CD82: variants seen among roughly 807,000 people sequenced by gnomAD.
CD82 encodes CD82 molecule.
A neutral mutation model predicts 37.4 loss-of-function variants in CD82; 36 were observed. The ratio of observed to expected loss-of-function variants is 0.96; its 90% CI spans 0.74 to 1.27. The LOEUF is 1.27. Among genes scored for constraint, CD82 ranks in the 50% most tolerant of loss-of-function variants. The pLI, the probability that CD82 is intolerant of heterozygous loss-of-function variation, is 0.00. For missense variants in CD82, 340 were observed against 347.0 expected, an observed-to-expected ratio of 0.98 and a Z score of 0.16; for synonymous variants, 158 against 137.4, an observed-to-expected ratio of 1.15 and a Z score of -1.05.
intron 3 of CD82, among the ~76,000 whole-genome samples, chr11:44,599,831 G>A (rs1218180220): frequency 2.0e-5 from 3 of 152,198 alleles, no homozygotes; most frequent in Admixed American, 6.5e-5. Context: ...GGGTGGAGTC[G>A]GGGGGATGAG....
At chr11:44,606,684 G>T (rs1853401584) in intron 6 of CD82, 1 of 152,220 alleles carries the variant, frequency 6.6e-6, no homozygotes, top group African/African-American at 2.4e-5. Flanking sequence ...GTGCACGTGG[G>T]ATCTTCTAGA....
intron 2 of CD82, among the ~76,000 whole-genome samples, chr11:44,591,501 G>A (rs1399658962): frequency 6.6e-6 from 1 of 152,206 alleles, no homozygotes; most frequent in Non-Finnish European, 1.5e-5. Context: ...CCTCTGAGCA[G>A]TCATTTTGTC....
intron 1 of CD82, among the ~76,000 whole-genome samples, chr11:44,566,754 G>T (rs1218276142): frequency 1.3e-5 from 2 of 152,164 alleles, no homozygotes; most frequent in Non-Finnish European, 2.9e-5. Context: ...CTTTGATGCG[G>T]GTGGGCAGGT....
chr11:44,614,387 A>G (rs1187687990), intron 6 of CD82, among the ~76,000 whole-genome samples: 1 of 152,178 alleles, frequency 6.6e-6, no homozygotes, highest in Admixed American at 6.5e-5. Flanking sequence ...GGATTCACCA[A>G]GAAGTTGCAT....
In CD82 at chr11:44,620,333, A is replaced by G. The variant is rs1005152126; in HGVS notation, c.*1207A>G. On this transcript the variant is annotated 3_prime_UTR_variant, in exon 10 of 10. Coordinates refer to ENST00000227155, the MANE Select transcript of CD82 (RefSeq NM_002231.4). Reference sequence around the variant, plus strand: ...TTCTGTAAAACACACTCAAGATTCTAAGACTATTAAAGAGGATTTATAACA... The same window carrying G: ...TTCTGTAAAACACACTCAAGATTCTGAGACTATTAAAGAGGATTTATAACA... The G allele has an allele frequency of 6.6e-6, 1 of 152,100 alleles. No homozygotes were observed. The highest frequency in any genetic ancestry group is 2.4e-5 in the African/African-American group (1 of 41,380). The allele number at this position is 152,100 out of a possible 1,614,324, so 9.4% of individuals were successfully genotyped here. A position where few individuals can be genotyped will look rare whatever the true frequency, so the allele number is the denominator to read the frequency against.
At chr11:44,616,963 G>C (rs1853573224) in intron 7 of CD82, among the ~76,000 whole-genome samples, 1 of 152,186 alleles carries the variant, frequency 6.6e-6, no homozygotes, top group African/African-American at 2.4e-5. Flanking sequence ...GGAGAGAGGA[G>C]GCAGCCCGGC....
chr11:44,596,886 G>A (rs1337376623), intron 3 of CD82: 2 of 456,098 alleles, frequency 4.4e-6, no homozygotes, highest in Admixed American at 2.3e-5. Context: ...CTACTCAAAT[G>A]CATGAAAAAT....
chr11:44,585,068 T>C (rs1853033714), intron 1 of CD82: 1 of 380,580 alleles, frequency 2.6e-6, no homozygotes, highest in African/African-American at 2.1e-5. Context: ...CAGTTCCCAG[T>C]GGCACAGCCT....
upstream of CD82, among the ~76,000 whole-genome samples, chr11:44,565,228 C>T (rs1852711333): frequency 6.6e-6 from 1 of 152,064 alleles, no homozygotes; most frequent in Admixed American, 6.5e-5. Flanking sequence ...TGGCCTCACC[C>T]TACTAGGGCC....
intron 2 of CD82, among the ~76,000 whole-genome samples, chr11:44,589,595 G>A (rs902591827): frequency 2.0e-5 from 3 of 152,172 alleles, no homozygotes; most frequent in Admixed American, 6.5e-5. Context: ...TGTACCAGGC[G>A]CTGACCTCAC....
At chr11:44,612,099 G>T (rs1418033074) in intron 6 of CD82, among the ~76,000 whole-genome samples, 2 of 152,220 alleles carry the variant, frequency 1.3e-5, no homozygotes, top group East Asian at 3.8e-4. Context: ...GTTGAGAGGT[G>T]GACCCGAGAT....
At chr11:44,572,995 A>G (rs1852836348) in intron 1 of CD82, 2 of 152,164 alleles carry the variant, frequency 1.3e-5, no homozygotes, top group Admixed American at 1.3e-4. Context: ...CCCAGACAGA[A>G]CTCTCCCTGC....
rs1028035519 is a variant in CD82, at chr11:44,619,931, G to A, written c.*805G>A. On this transcript the variant is annotated 3_prime_UTR_variant, in exon 10 of 10. Coordinates refer to ENST00000227155, the MANE Select transcript of CD82 (RefSeq NM_002231.4). ...AAGGCAGTGGGAGAGGGGAGAGGGT[G>A]GGTTTTACCTGATATTAAGGGGTGG... 5 of 148,396 alleles carry A rather than the reference G, an allele frequency of 3.4e-5. No individual in the cohort carries two copies. The highest frequency in any genetic ancestry group is 2.0e-4 in the Admixed American group (3 of 14,928). The allele number at this position is 148,396 out of a possible 1,614,324, so 9.2% of individuals were successfully genotyped here. A position where few individuals can be genotyped will look rare whatever the true frequency, so the allele number is the denominator to read the frequency against.
rs1351986683 is a variant in CD82 at position 44,610,823 on chromosome 11, T to C, written c.337-4449T>C. On this transcript the variant is annotated intron_variant, in intron 6 of 9. Transcript: ENST00000227155. The stretch of plus-strand genomic sequence containing the variant: ...CACAGGATAATCTGCTGTTGCTGTA[T>C]TGAAATTCTTTTTTTTTTCTTTTCT... 3.3e-5 allele frequency among the ~76,000 whole-genome samples: 5 copies of C among 152,098 alleles called. No individual in the cohort carries two copies. In the East Asian group the frequency reaches 7.7e-4, roughly 23 times the overall value.
At chr11:44,617,257 T>C (rs1383496685) in intron 7 of CD82, among the ~76,000 whole-genome samples, 1 of 152,096 alleles carries the variant, frequency 6.6e-6, no homozygotes, top group East Asian at 1.9e-4. Flanking sequence ...ATTTTCTCCT[T>C]TAAAATGGCA....
chr11:44,587,385 G>A (rs1853072404), intron 1 of CD82, 90 bp from the exon 2 acceptor site: 2 of 450,520 alleles, frequency 4.4e-6, no homozygotes, highest in Middle Eastern at 3.3e-4. Flanking sequence ...GCCACACGGG[G>A]AGCCTGGATT....
chr11:44,580,264 C>T (rs983348385), intron 1 of CD82, among the ~76,000 whole-genome samples: 9 of 152,200 alleles, frequency 5.9e-5, no homozygotes, highest in African/African-American at 2.2e-4. Flanking sequence ...GTCCCTGTAC[C>T]TATGTGCATC....
intron 3 of CD82, chr11:44,594,960 T>G: frequency 1.8e-6 from 1 of 544,706 alleles, no homozygotes; most frequent in East Asian, 3.2e-5. Flanking sequence ...TCCCCTCTCC[T>G]AGATCACCCA....
intron 1 of CD82, among the ~76,000 whole-genome samples, chr11:44,583,995 G>A (rs1853017958): frequency 6.6e-6 from 1 of 152,144 alleles, no homozygotes; most frequent in African/African-American, 2.4e-5. Flanking sequence ...GAGGCACTTT[G>A]GGCTCTGAAA....
Sources: gnomAD v4.1 joint callset for allele counts (sites outside exome capture counted in the v4.1 genomes callset) on GRCh38, gnomAD v4.1.1 for gene constraint, MANE v1.5 for transcripts, NCBI Gene and HGNC (gene_info 2026-07-23, HGNC 2026-07-21) for gene names.